The following ANKRD52 variants were observed in gnomAD, a reference collection of about 807,000 sequenced individuals.
ANKRD52 encodes serine/threonine-protein phosphatase 6 regulatory ankyrin repeat subunit C.
Under a neutral mutation model 116.0 loss-of-function variants are expected in ANKRD52, and 7 were observed. That is an observed-to-expected ratio of 0.06 (90% confidence interval 0.03 to 0.11). The LOEUF is 0.11. Among genes scored for constraint, ANKRD52 ranks in the 10% least tolerant of loss-of-function variants. ANKRD52 has a pLI of 1.00. For missense variants in ANKRD52, 839 were observed against 1,408.6 expected (o/e 0.60, Z 6.47); for synonymous variants, 528 against 578.1 (o/e 0.91, Z 1.24).
Position 56,244,930 on chromosome 12 carries a change from A to G in ANKRD52, c.2552T>C (p.Val851Ala). The G allele has an allele frequency of 6.8e-6, 11 of 1,613,910 alleles. No individual in the cohort carries two copies. The highest frequency in any genetic ancestry group is 9.3e-6 in the Non-Finnish European group (11 of 1,179,860). The change falls in exon 23 of 28, where the codon GTG becomes GCG. Residue 851 changes from valine to alanine, a missense_variant. By Grantham distance (64) the Val-to-Ala change is moderately conservative (BLOSUM62 0). This residue lies in a region of ANKRD52 where 552 missense variants were observed against 810.6 expected (regional missense o/e 0.68). Transcript: ENST00000267116. The surrounding 1 kb of genome is among the most constrained non-coding windows in gnomAD (Gnocchi z 4.9). ...CCGTCCTTTGGCATCTCGGCTGTTC[A>G]CAATCTTGGCACCCAGAGCTCCCAG... ...MLLGALGAKIVNSRDAKGRTP... is the reference protein window; with the variant it reads ...MLLGALGAKIANSRDAKGRTP...
intron 2 of ANKRD52, 58 bp downstream of exon 2, chr12:56,257,770 G>T: frequency 1.3e-6 from 2 of 1,550,028 alleles, no homozygotes; most frequent in Non-Finnish European, 8.8e-7. Context: ...GGTGGGGAGG[G>T]GTCCAGAACA....
At chr12:56,257,580 G>T (rs1462752669) in intron 2 of ANKRD52, among the ~76,000 whole-genome samples, 1 of 152,120 alleles carries the variant, frequency 6.6e-6, no homozygotes, top group Admixed American at 6.5e-5. Context: ...CAGGAGGGGT[G>T]GGGGCGCTGC....
At position 56,253,059 on chromosome 12, in the gene ANKRD52, C is replaced by G. The variant is rs766160897; in HGVS notation, c.1128G>C (p.Leu376=). 1 of 1,583,752 alleles carries G rather than the reference C, an allele frequency of 6.3e-7. No individual in the cohort carries two copies. Among genetic ancestry groups the G allele is most frequent in the Non-Finnish European group, 8.6e-7 (1 of 1,165,138 alleles). The change falls in exon 11 of 28, where the codon CTG becomes CTC. Residue 376 remains leucine, a synonymous_variant. Coordinates refer to ENST00000267116, the MANE Select transcript of ANKRD52 (RefSeq NM_173595.4). The surrounding 1 kb of genome is among the most constrained non-coding windows in gnomAD (Gnocchi z 5.5). ...AGAATCCAAAGAGAACAGCTAAGTGCAGGGGGAACATGTCATGGATGCCAC... is the reference window on the plus strand; with the variant it reads ...AGAATCCAAAGAGAACAGCTAAGTGGAGGGGGAACATGTCATGGATGCCAC... ...ARRGIHDMFP[L]HLAVLFGFSD... is the part of the protein sequence containing the mutation.
rs1565611404 is a variant in ANKRD52 at position 56,252,565 on chromosome 12, A to G, written c.1307T>C (p.Val436Ala). The part of the protein sequence containing the change: ...CLHAAASGGN[V>A]ECLNLLLSSG... ...GCTCAACAGCAAATTAAGACATTCA[A>G]CATTCCTAAAAGAAAGATGTGTTAA... is the stretch of plus-strand genomic sequence containing the variant. Residue 436 changes from valine (V) to alanine (A), a missense_variant, in exon 13 of 28, where the codon GTT (valine) becomes GCT (alanine). By Grantham distance (64) the Val-to-Ala change is moderately conservative. This residue lies in a region of ANKRD52 where 287 missense variants were observed against 598.1 expected (regional missense o/e 0.48). Coordinates refer to ENST00000267116, the MANE Select transcript of ANKRD52 (RefSeq NM_173595.4). The surrounding 1 kb of genome is among the most constrained non-coding windows in gnomAD (Gnocchi z 4.7). 2.5e-6 allele frequency: 4 copies of G among 1,613,872 alleles called. No individual in the cohort carries two copies. The highest frequency in any genetic ancestry group is 3.4e-6 in the Non-Finnish European group (4 of 1,179,830).
rs1455790109 is a variant in ANKRD52 at position 56,255,008 on chromosome 12, C to T, written c.463-56G>A. On this transcript the variant is annotated intron_variant, in intron 5 of 27. Transcript: ENST00000267116. The surrounding 1 kb of genome is among the most constrained non-coding windows in gnomAD (Gnocchi z 4.3). Reference sequence around the variant, plus strand: ...GAGCTAGATTCGTGCCCTCAACCTACCTAAGAGCAGAGGCCTCATCTCCTG... The same window carrying T: ...GAGCTAGATTCGTGCCCTCAACCTATCTAAGAGCAGAGGCCTCATCTCCTG... 3.2e-6 allele frequency: 5 copies of T among 1,564,476 alleles called. No individual in the cohort carries two copies. The East Asian group carries it at 1.1e-4, about 36-fold the overall frequency.
chr12:56,256,903 A>G (rs550901916), intron 4 of ANKRD52, 112 bp downstream of exon 4: 250 of 1,201,186 alleles, frequency 2.1e-4, no homozygotes, highest in Non-Finnish European at 2.8e-4. Flanking sequence ...TCTCCTCACT[A>G]CCTGGGGTAG....
At chr12:56,258,180 G>A (rs929347719) in intron 1 of ANKRD52, 63 bp downstream of exon 1, 1 of 1,571,486 alleles carries the variant, frequency 6.4e-7, no homozygotes, top group East Asian at 2.4e-5. Flanking sequence ...CACATCCCCG[G>A]GCTCGCGTGA....
Position 56,247,830 on chromosome 12 carries a change from G to A in ANKRD52, c.1979-56C>T, listed in dbSNP as rs530711402. On this transcript the variant is annotated intron_variant, in intron 18 of 27. Coordinates refer to ENST00000267116, the MANE Select transcript of ANKRD52 (RefSeq NM_173595.4). ...GGCCAGGAGGAAGAAGGGAGGCAAG[G>A]TCAAGCCTAAAGGACTTGGGGTCAA... The A allele has an allele frequency of 5.8e-6, 9 of 1,553,130 alleles. No individual in the cohort carries two copies. In the East Asian group the frequency reaches 1.8e-4, roughly 32 times the overall value.
chr12:56,242,396 A>T lies in ANKRD52; in HGVS notation c.*746T>A. 2 of 342,818 alleles carry T rather than the reference A, an allele frequency of 5.8e-6. No individual in the cohort carries two copies. The highest frequency in any genetic ancestry group is 5.2e-6 in the Non-Finnish European group (1 of 191,064). The allele number at this position is 342,818 out of a possible 1,614,324, so 21.2% of individuals were successfully genotyped here. A position where few individuals can be genotyped will look rare whatever the true frequency, so the allele number is the denominator to read the frequency against. ...AGAAGCAAGGTTAAAGTGCGTGGTT[A>T]GGGGCCAGGCTAGGAGTGGGAGGGA... On this transcript the variant is annotated 3_prime_UTR_variant, in exon 28 of 28. Transcript: ENST00000267116. This position sits in a 1 kb window ranked among gnomAD's most constrained non-coding sequence, Gnocchi z 4.3.
In ANKRD52 at chr12:56,244,667, G is replaced by T; in HGVS notation, c.2707C>A (p.Gln903Lys). Residue 903 changes from glutamine to lysine, a missense_variant, in exon 24 of 28, where the codon CAG (glutamine) becomes AAG (lysine). Transcript: ENST00000267116. This position sits in a 1 kb window ranked among gnomAD's most constrained non-coding sequence, Gnocchi z 4.9. Reference protein sequence around the residue: ...TALMTAAENGQTAAVEFLLYR... With the variant: ...TALMTAAENGKTAAVEFLLYR... ...CCCTACACACCCACAGCAGCGGTCT[G>T]CCCGTTCTCAGCCGCCGTCATGAGC... 1 of 1,613,850 alleles carries T rather than the reference G, an allele frequency of 6.2e-7. No homozygotes were observed. Among genetic ancestry groups the T allele is most frequent in the Non-Finnish European group, 8.5e-7 (1 of 1,179,896 alleles).
At position 56,253,189 on chromosome 12, in the gene ANKRD52, A is replaced by G. The variant is rs1465682262; in HGVS notation, c.1100+99T>C. On this transcript the variant is annotated intron_variant, in intron 10 of 27. Coordinates refer to ENST00000267116, the MANE Select transcript of ANKRD52 (RefSeq NM_173595.4). This position sits in a 1 kb window ranked among gnomAD's most constrained non-coding sequence, Gnocchi z 5.5. ...CTAGAGTCAGGGTAGGAGGTTCTCC[A>G]AGGTGCCCTTTGGCAAGCTTATCTG... is the stretch of plus-strand genomic sequence containing the variant. 6.1e-6 allele frequency: 9 copies of G among 1,468,390 alleles called. No individual in the cohort carries two copies. Among genetic ancestry groups the G allele is most frequent in the African/African-American group, 2.8e-5 (2 of 71,788 alleles). The allele number at this position is 1,468,390 out of a possible 1,614,324, so 91.0% of individuals were successfully genotyped here.
rs919608012 is a variant in ANKRD52, at chr12:56,240,662, A to G, written c.*2480T>C. On this transcript the variant is annotated 3_prime_UTR_variant, in exon 28 of 28. Transcript: ENST00000267116. The surrounding 1 kb of genome is among the most constrained non-coding windows in gnomAD (Gnocchi z 4.2). ...TGGTCAAAATGCTTCAAAAAACACT[A>G]GGGCTGGGGAGCCCAGGGTGGGGCG... 3.3e-5 allele frequency: 5 copies of G among 152,200 alleles called. No individual in the cohort carries two copies. Among genetic ancestry groups the G allele is most frequent in the Admixed American group, 3.3e-4 (5 of 15,282 alleles). The allele number at this position is 152,200 out of a possible 1,614,324, so 9.4% of individuals were successfully genotyped here. A position where few individuals can be genotyped will look rare whatever the true frequency, so the allele number is the denominator to read the frequency against.
At position 56,243,124 on chromosome 12, in the gene ANKRD52, G is replaced by A. The variant is rs758080982; in HGVS notation, c.*18C>T. The A allele has an allele frequency of 5.1e-6, 8 of 1,574,902 alleles. No individual in the cohort carries two copies. The highest frequency in any genetic ancestry group is 5.2e-6 in the Non-Finnish European group (6 of 1,159,192). On this transcript the variant is annotated 3_prime_UTR_variant, in exon 28 of 28. Transcript: ENST00000267116. This position sits in a 1 kb window ranked among gnomAD's most constrained non-coding sequence, Gnocchi z 4.6. ...ATTAGATATCAAGCCACCGGCGGGG[G>A]AGGGACACTGGAGGGGGCTACTCAG...
At chr12:56,250,265 A>G (rs919398580) in intron 15 of ANKRD52, among the ~76,000 whole-genome samples, 2 of 151,544 alleles carry the variant, frequency 1.3e-5, no homozygotes, top group Non-Finnish European at 2.9e-5. Flanking sequence ...AGTTCTCATT[A>G]TGTGTTAGCC....
At position 56,252,335 on chromosome 12, in the gene ANKRD52, G is replaced by A; in HGVS notation, c.1371-20C>T. The A allele has an allele frequency of 6.2e-7, 1 of 1,612,730 alleles. No individual in the cohort carries two copies. Among genetic ancestry groups the A allele is most frequent in the African/African-American group, 1.3e-5 (1 of 75,020 alleles). Reference sequence around the variant, plus strand: ...GGGGTCCTGGGGAAGAAGTGAAGGAGGGTGGGGAAGAGAATCAGAGACAGA... The same window carrying A: ...GGGGTCCTGGGGAAGAAGTGAAGGAAGGTGGGGAAGAGAATCAGAGACAGA... On this transcript the variant is annotated intron_variant, in intron 13 of 27. Transcript: ENST00000267116. The surrounding 1 kb of genome is among the most constrained non-coding windows in gnomAD (Gnocchi z 4.7).
At chr12:56,247,952 C>G (rs1348528893) in intron 18 of ANKRD52, 71 bp downstream of exon 18, 1 of 1,481,260 alleles carries the variant, frequency 6.8e-7, no homozygotes, top group East Asian at 2.5e-5. Flanking sequence ...ACTCCACTTT[C>G]CAGCCCCATT....
chr12:56,243,390 G>C lies in ANKRD52; in HGVS notation c.2983C>G (p.His995Asp). ...GGGGCACAGGCCAGTGCTGGGGTGT[G>C]ACCTGCAGGGCCAAGGGGGAGAACT... ...ATVLAVDEEG[H>D]TPALACAPNK... Residue 995 changes from histidine to aspartate, a missense_variant and splice_region_variant, in exon 28 of 28, where the codon CAC becomes GAC. By Grantham distance (81) the His-to-Asp change is moderately conservative (BLOSUM62 -1). Coordinates refer to ENST00000267116, the MANE Select transcript of ANKRD52 (RefSeq NM_173595.4). This position sits in a 1 kb window ranked among gnomAD's most constrained non-coding sequence, Gnocchi z 4.6. The C allele has an allele frequency of 1.9e-6, 3 of 1,613,616 alleles. No homozygotes were observed. The highest frequency in any genetic ancestry group is 2.5e-6 in the Non-Finnish European group (3 of 1,179,708).
Position 56,252,200 on chromosome 12 carries a change from C to T in ANKRD52, c.1486G>A (p.Ala496Thr), listed in dbSNP as rs527280209. ...DCKGCSPLHY[A>T]AASDTYRRAE... Reference sequence around the variant, plus strand: ...CTCCTGTAAGTGTCAGAAGCGGCAGCGTAGTGGAGGGGAGAGCAGCCTTTA... The same window carrying T: ...CTCCTGTAAGTGTCAGAAGCGGCAGTGTAGTGGAGGGGAGAGCAGCCTTTA... The change falls in exon 14 of 28, where the codon GCT becomes ACT. Residue 496 changes from alanine to threonine, a missense_variant. Transcript: ENST00000267116. This position sits in a 1 kb window ranked among gnomAD's most constrained non-coding sequence, Gnocchi z 4.7. The T allele has an allele frequency of 5.0e-6, 8 of 1,613,956 alleles. No individual in the cohort carries two copies. Among genetic ancestry groups the T allele is most frequent in the Admixed American group, 3.3e-5 (2 of 60,022 alleles).
In ANKRD52 at chr12:56,245,135, T is replaced by G; in HGVS notation, c.2460A>C (p.Glu820Asp). Residue 820 changes from glutamate (E) to aspartate (D), a missense_variant, in exon 22 of 28, where the codon GAA becomes GAC. Transcript: ENST00000267116. ...LLEHSPFSYL[E>D]GNPFTPLHCA... ...AGTGCAAAGGAGTGAAGGGGTTTCC[T>G]TCCAGGTACGAAAACGGGCTGTGTT... The G allele has an allele frequency of 6.2e-7, 1 of 1,613,978 alleles. No individual in the cohort carries two copies. The highest frequency in any genetic ancestry group is 8.5e-7 in the Non-Finnish European group (1 of 1,179,880).
Sources: allele counts gnomAD v4.1 joint callset (sites outside exome capture counted in the v4.1 genomes callset), GRCh38; gene constraint gnomAD v4.1.1; regional missense constraint gnomAD v4.1.1; non-coding constraint Gnocchi (gnomAD v3.1); transcripts MANE v1.5; gene names NCBI Gene and HGNC (gene_info 2026-07-23, HGNC 2026-07-21).